CTNNA3: variants seen among roughly 807,000 people sequenced by gnomAD.
CTNNA3 encodes catenin alpha-3.
CTNNA3 carries 76 observed loss-of-function variants against 95.7 expected under a neutral mutation model. The ratio of observed to expected loss-of-function variants is 0.79; its 90% CI spans 0.66 to 0.96. The LOEUF (loss-of-function observed/expected upper bound fraction) is 0.96, where lower values mean the gene tolerates loss of function less well. Among genes scored for constraint, CTNNA3 ranks in the 40% least tolerant of loss-of-function variants. The probability of loss-of-function intolerance (pLI) is 0.00; values close to 1 mark genes in which losing one functional copy is unlikely to be tolerated. For missense variants in CTNNA3, 1,191 were observed against 1,089.8 expected (o/e 1.09, Z -1.31); for synonymous variants, 431 against 374.4 (o/e 1.15, Z -1.74).
chr10:67,648,369 G>C (rs1336118101), intron 1 of CTNNA3, among the ~76,000 whole-genome samples: 1 of 152,112 alleles, frequency 6.6e-6, no homozygotes, highest in African/African-American at 2.4e-5. Context: ...AATTTTAGAT[G>C]AAACCCACTG....
chr10:66,075,756 C>T (rs1012225688), intron 14 of CTNNA3, among the ~76,000 whole-genome samples: 6 of 151,716 alleles, frequency 4.0e-5, no homozygotes, highest in Non-Finnish European at 7.4e-5. Flanking sequence ...GGGGAAATGA[C>T]TTAAAAGAAC....
chr10:66,374,014 G>A (rs2092774212), intron 12 of CTNNA3, among the ~76,000 whole-genome samples: 1 of 152,102 alleles, frequency 6.6e-6, no homozygotes, highest in Non-Finnish European at 1.5e-5. Context: ...CTCCTGAATT[G>A]GGATGACAAC....
At chr10:67,011,161 C>G (rs1852306002) in intron 7 of CTNNA3, among the ~76,000 whole-genome samples, 1 of 151,970 alleles carries the variant, frequency 6.6e-6, no homozygotes, top group Admixed American at 6.6e-5. Flanking sequence ...AACCCCGTCT[C>G]TACTAAAAAT....
chr10:66,168,384 C>G (rs1289856508), intron 13 of CTNNA3, among the ~76,000 whole-genome samples: 1 of 152,054 alleles, frequency 6.6e-6, no homozygotes, highest in Admixed American at 6.6e-5. Flanking sequence ...TACACATAGT[C>G]TGGCCTTTGC....
chr10:66,559,655 G>GTA (rs1842493286), intron 10 of CTNNA3, among the ~76,000 whole-genome samples: 2 of 151,796 alleles, frequency 1.3e-5, no homozygotes, highest in Admixed American at 1.3e-4. Flanking sequence ...CGGGTATCAC[G>GTA]ACAGACTTTT....
chr10:66,443,115 G>A (rs182776199), intron 11 of CTNNA3, among the ~76,000 whole-genome samples: 1 of 152,128 alleles, frequency 6.6e-6, no homozygotes, highest in Admixed American at 6.5e-5. Flanking sequence ...GGGGAGGGGC[G>A]CCTGTCATTG....
chr10:66,131,372 A>G (rs1589498435), intron 13 of CTNNA3, among the ~76,000 whole-genome samples: 1 of 152,202 alleles, frequency 6.6e-6, no homozygotes, highest in East Asian at 1.9e-4. Flanking sequence ...CACCACAATC[A>G]AGAATGCTTT....
intron 7 of CTNNA3, among the ~76,000 whole-genome samples, chr10:66,802,566 T>C (rs114780491): frequency 6.6e-6 from 1 of 151,914 alleles, no homozygotes; most frequent in African/African-American, 2.4e-5. Flanking sequence ...TACCACGTCT[T>C]TGAAAAAAGA....
intron 2 of CTNNA3, among the ~76,000 whole-genome samples, chr10:67,621,761 AAG>A (rs10585978): frequency 0.11 from 16,189 of 146,228 alleles, 1,657 homozygotes; most frequent in East Asian, 0.41. Context: ...AAAAAAAAAA[AAG>A]AAAAGAAAAG....
At chr10:66,688,795 C>A (rs1170737728) in intron 9 of CTNNA3, among the ~76,000 whole-genome samples, 3 of 150,510 alleles carry the variant, frequency 2.0e-5, no homozygotes, top group Non-Finnish European at 4.4e-5. Context: ...CGTGGTGAAA[C>A]CCGTCTCTAC....
intron 5 of CTNNA3, among the ~76,000 whole-genome samples, chr10:67,379,884 A>C (rs1039705861): frequency 6.6e-6 from 1 of 150,792 alleles, no homozygotes; most frequent in Admixed American, 6.6e-5. Flanking sequence ...AGCCGGGCGT[A>C]GTGGCGGGCG....
chr10:67,723,129 G>C (rs10823080), intron 1 of CTNNA3, among the ~76,000 whole-genome samples: 18,522 of 151,652 alleles, frequency 0.12, 1,267 homozygotes, highest in Non-Finnish European at 0.16. Flanking sequence ...TGGGACTACA[G>C]ACACGCGCCA....
chr10:66,818,864 C>T (rs371677755), intron 7 of CTNNA3, among the ~76,000 whole-genome samples: 33 of 151,946 alleles, frequency 2.2e-4, no homozygotes, highest in Middle Eastern at 3.4e-3. Flanking sequence ...CCAAGGTAGG[C>T]GGATCACTTG....
intron 7 of CTNNA3, among the ~76,000 whole-genome samples, chr10:66,872,399 T>C (rs1329703153): frequency 6.6e-6 from 1 of 152,188 alleles, no homozygotes; most frequent in Non-Finnish European, 1.5e-5. Context: ...CTGGGTTCAG[T>C]GGCTCACACC....
At chr10:67,269,765 T>G (rs1171595170) in intron 5 of CTNNA3, among the ~76,000 whole-genome samples, 1 of 152,122 alleles carries the variant, frequency 6.6e-6, no homozygotes, top group African/African-American at 2.4e-5. Context: ...ACCAATCTGT[T>G]AATGTTGACA....
chr10:66,529,454 T>TTG lies in CTNNA3; in HGVS notation c.1375-8682_1375-8681insCA, dbSNP rs1564514305. Among the ~76,000 whole-genome samples, 701 of 151,376 alleles carry TTG rather than the reference T, an allele frequency of 4.6e-3. 5 individuals are homozygous for TTG. The highest frequency in any genetic ancestry group is 0.016 in the African/African-American group (649 of 41,172). ...GCCAAACAGTGTTTTTTTTTTGTTT[T>TTG]TTTTTTTTAATAAAAAAACCTATCT... On this transcript the variant is annotated intron_variant, in intron 10 of 17. Transcript: ENST00000433211.
chr10:66,491,632 T>C (rs1911340), intron 11 of CTNNA3, among the ~76,000 whole-genome samples: 51,610 of 152,092 alleles, frequency 0.34, 10,327 homozygotes, highest in Non-Finnish European at 0.44. Flanking sequence ...TTTTGGTAAA[T>C]AGACATCCTT....
chr10:67,548,306 T>C (rs1840909956), intron 3 of CTNNA3, among the ~76,000 whole-genome samples: 1 of 152,204 alleles, frequency 6.6e-6, no homozygotes, highest in African/African-American at 2.4e-5. Context: ...ATGCTCCATG[T>C]ACAATCTGCA....
intron 10 of CTNNA3, among the ~76,000 whole-genome samples, chr10:66,576,523 T>G (rs1843008691): frequency 6.6e-6 from 1 of 151,992 alleles, no homozygotes; most frequent in Non-Finnish European, 1.5e-5. Flanking sequence ...TTTGTTCCTA[T>G]CTTTGTGTCC....
Sources: gnomAD v4.1 joint callset for allele counts (sites outside exome capture counted in the v4.1 genomes callset) on GRCh38, gnomAD v4.1.1 for gene constraint, MANE v1.5 for transcripts, NCBI Gene and HGNC (gene_info 2026-07-23, HGNC 2026-07-21) for gene names.